ROBO2: variants seen among roughly 807,000 people sequenced by gnomAD.
ROBO2 encodes the protein roundabout guidance receptor 2, also known as roundabout homolog 2.
Under a neutral mutation model 160.8 loss-of-function variants are expected in ROBO2, and 53 were observed. The observed-to-expected ratio is 0.33, with a 90% CI of 0.26 to 0.41. The LOEUF (loss-of-function observed/expected upper bound fraction) is 0.41. ROBO2 is among the 10% of genes least tolerant of loss of function. ROBO2 has a pLI of 1.00. For synonymous variants in ROBO2, 664 were observed against 611.7 expected (o/e 1.09, Z -1.26); for missense variants, 1,577 against 1,722.4 (o/e 0.92, Z 1.49).
chr3:76,232,294 T>C (rs1313759654), intron 2 of ROBO2, among the ~76,000 whole-genome samples: 2 of 152,226 alleles, frequency 1.3e-5, no homozygotes, highest in Non-Finnish European at 2.9e-5. Flanking sequence ...AAGAAAAGAC[T>C]AGAACTAAAG....
chr3:76,957,427 T>C (rs549869779), intron 2 of ROBO2, among the ~76,000 whole-genome samples: 1 of 152,252 alleles, frequency 6.6e-6, no homozygotes, highest in East Asian at 1.9e-4. Context: ...GCATTTAGAT[T>C]GACGCTATCT....
chr3:77,572,108 T>G lies in ROBO2; in HGVS notation c.1972-2391T>G, dbSNP rs112570282. 1.1e-3 allele frequency among the ~76,000 whole-genome samples: 174 copies of G among 152,140 alleles called. 1 individual carries two copies. The highest frequency in any genetic ancestry group is 3.4e-3 in the Middle Eastern group (1 of 294). ...CATGGATAAAACCAATTTACCCTGA[T>G]TTACAGACTCCCTTCATCTGGAAAC... On this transcript the variant is annotated intron_variant, in intron 13 of 25. Coordinates refer to ENST00000461745, the Ensembl canonical transcript of ROBO2.
At chr3:76,712,701 A>G (rs1424466535) in intron 2 of ROBO2, among the ~76,000 whole-genome samples, 1 of 151,856 alleles carries the variant, frequency 6.6e-6, no homozygotes, top group Non-Finnish European at 1.5e-5. Flanking sequence ...TAATAATTAA[A>G]AAAAATTTAA....
intron 1 of ROBO2, among the ~76,000 whole-genome samples, chr3:77,070,022 G>T (rs2067244928): frequency 6.6e-6 from 1 of 152,096 alleles, no homozygotes; most frequent in African/African-American, 2.4e-5. Flanking sequence ...CTTATAAAAA[G>T]GGAGAATTTG....
intron 15 of ROBO2, among the ~76,000 whole-genome samples, chr3:77,579,562 A>G (rs2093859138): frequency 6.6e-6 from 1 of 152,156 alleles, no homozygotes; most frequent in South Asian, 2.1e-4. Flanking sequence ...TTGATAAATA[A>G]AACAGAGGAA....
chr3:77,565,610 A>G (rs1017695836), intron 12 of ROBO2, among the ~76,000 whole-genome samples: 1 of 152,064 alleles, frequency 6.6e-6, no homozygotes, highest in Non-Finnish European at 1.5e-5. Context: ...GCTCAAATTC[A>G]AACGCTCTGA....
rs1038595250 is a variant in ROBO2 at position 76,202,916 on chromosome 3, G to A, written c.109+265314G>A. Among the ~76,000 whole-genome samples the A allele has an allele frequency of 6.6e-5, 10 of 151,978 alleles. No individual in the cohort carries two copies. The South Asian group carries it at 8.3e-4, about 13-fold the overall frequency. On this transcript the variant is annotated intron_variant, in intron 2 of 26. Coordinates refer to the ROBO2 transcript ENST00000487694. ...ATACCTTGGGCTCTCTAGGCAGAGT[G>A]ACACTGTGTTCAGGTGTCTTGGACT... is the stretch of plus-strand genomic sequence containing the variant.
chr3:75,932,139 A>C (rs1947572296), intron 1 of ROBO2, among the ~76,000 whole-genome samples: 2 of 152,078 alleles, frequency 1.3e-5, no homozygotes, highest in South Asian at 2.1e-4. Flanking sequence ...TACTCACTTC[A>C]AGAATTGCAT....
chr3:76,597,446 G>T (rs1280736340), intron 2 of ROBO2, among the ~76,000 whole-genome samples: 1 of 151,922 alleles, frequency 6.6e-6, no homozygotes, highest in Non-Finnish European at 1.5e-5. Flanking sequence ...ATGGGCAAAA[G>T]GCATGAGCAG....
At chr3:76,752,614 A>T (rs572837903) in intron 2 of ROBO2, among the ~76,000 whole-genome samples, 20 of 151,818 alleles carry the variant, frequency 1.3e-4, no homozygotes, top group Non-Finnish European at 2.1e-4. Flanking sequence ...GAATCACATT[A>T]CAGAAAATAT....
At chr3:77,346,830 C>T (rs1252658572) in intron 2 of ROBO2, among the ~76,000 whole-genome samples, 1 of 152,138 alleles carries the variant, frequency 6.6e-6, no homozygotes, top group African/African-American at 2.4e-5. Flanking sequence ...TTTCAATCTT[C>T]GAATCTCTCT....
intron 2 of ROBO2, among the ~76,000 whole-genome samples, chr3:77,102,750 A>T (rs984717139): frequency 1.3e-5 from 2 of 151,028 alleles, no homozygotes; most frequent in Non-Finnish European, 2.9e-5. Context: ...TACATGCTTC[A>T]CCTTTATGTT....
chr3:77,505,700 T>C (rs889352121), intron 5 of ROBO2, among the ~76,000 whole-genome samples: 1 of 152,096 alleles, frequency 6.6e-6, no homozygotes, highest in African/African-American at 2.4e-5. Flanking sequence ...ATAGCTAATA[T>C]TTACAAGTGC....
chr3:77,609,895 A>G (rs1021003983), intron 21 of ROBO2, among the ~76,000 whole-genome samples: 4 of 150,058 alleles, frequency 2.7e-5, no homozygotes, highest in Non-Finnish European at 5.9e-5. Context: ...AGAAGTTATC[A>G]TTCTTACTAA....
chr3:76,129,096 T>G (rs2106653773), intron 2 of ROBO2, among the ~76,000 whole-genome samples: 1 of 152,168 alleles, frequency 6.6e-6, no homozygotes, highest in East Asian at 1.9e-4. Context: ...TGGGGACATT[T>G]TTCTCACTAA....
chr3:77,050,207 G>A (rs374174662), intron 1 of ROBO2, among the ~76,000 whole-genome samples: 2 of 152,018 alleles, frequency 1.3e-5, no homozygotes, highest in Admixed American at 6.6e-5. Context: ...ATTTTAATAC[G>A]TTGCCAGATA....
intron 5 of ROBO2, among the ~76,000 whole-genome samples, chr3:77,506,855 T>G (rs748893029): frequency 2.0e-5 from 3 of 152,164 alleles, no homozygotes; most frequent in Non-Finnish European, 4.4e-5. Context: ...TAATCTTTTT[T>G]TGTTGCCTGA....
At chr3:76,692,661 A>G (rs2092827567) in intron 2 of ROBO2, among the ~76,000 whole-genome samples, 1 of 152,052 alleles carries the variant, frequency 6.6e-6, no homozygotes, top group Admixed American at 6.6e-5. Flanking sequence ...TTCTTCTTAT[A>G]TTCAAGATAT....
At chr3:76,258,868 G>C (rs1195109088) in intron 2 of ROBO2, among the ~76,000 whole-genome samples, 1 of 151,934 alleles carries the variant, frequency 6.6e-6, no homozygotes, top group African/African-American at 2.4e-5. Flanking sequence ...GACTGTAATT[G>C]AGTGTAAGCT....
Sources: gnomAD v4.1 joint callset for allele counts (sites outside exome capture counted in the v4.1 genomes callset) on GRCh38, gnomAD v4.1.1 for gene constraint, MANE v1.5 for transcripts, NCBI Gene and HGNC (gene_info 2026-07-23, HGNC 2026-07-21) for gene names.